ABCB5: variants seen among roughly 807,000 people sequenced by gnomAD.
ABCB5 encodes ATP-binding cassette sub-family B member 5.
Under a neutral mutation model 144.2 loss-of-function variants are expected in ABCB5, and 155 were observed. The observed-to-expected ratio is 1.08, with a 90% CI of 0.94 to 1.23. The LOEUF (loss-of-function observed/expected upper bound fraction) is 1.23, where lower values mean the gene tolerates loss of function less well. ABCB5 is among the 50% of genes most tolerant of loss of function. The pLI is 0.00. For synonymous variants in ABCB5, 610 were observed against 528.6 expected (o/e 1.15, Z -2.11); for missense variants, 1,830 against 1,520.8 (o/e 1.20, Z -3.38).
rs768696376 is a variant in ABCB5 at position 20,679,471 on chromosome 7, C to CA, written c.1708-2019dup. ...GGGCAACAAGAGCTAAACTCCATCTCAAAAAAAAAAAAAAAGAGAGAGAGA... is the reference window on the plus strand; with the variant it reads ...GGGCAACAAGAGCTAAACTCCATCTCAAAAAAAAAAAAAAAAGAGAGAGAGA... On this transcript the variant is annotated intron_variant, in intron 14 of 27. Transcript: ENST00000404938. 2.1e-3 allele frequency among the ~76,000 whole-genome samples: 122 copies of CA among 59,444 alleles called. 3 individuals are homozygous for CA. Among genetic ancestry groups the CA allele is most frequent in the Admixed American group, 5.6e-3 (24 of 4,298 alleles). 39.0% of individuals were successfully genotyped at this position (59,444 alleles called of 152,430 possible).
intron 14 of ABCB5, among the ~76,000 whole-genome samples, chr7:20,680,165 A>G (rs1219377764): frequency 2.6e-5 from 4 of 152,218 alleles, no homozygotes; most frequent in Non-Finnish European, 5.9e-5. Context: ...ACAGAAGAGT[A>G]TACAATGCAC....
intron 12 of ABCB5, among the ~76,000 whole-genome samples, chr7:20,650,819 T>G (rs1784560127): frequency 6.6e-6 from 1 of 152,182 alleles, no homozygotes. Flanking sequence ...GTGTTATGTG[T>G]ATAAAAGAGT....
At chr7:20,660,488 C>G (rs1784968610) in intron 14 of ABCB5, 1 of 841,134 alleles carries the variant, frequency 1.2e-6, no homozygotes. Flanking sequence ...TAATCATATA[C>G]TCTTCAGTTT....
At chr7:20,647,718 T>C (rs1784452929) in intron 10 of ABCB5, 70 bp downstream of exon 10, 1 of 1,522,606 alleles carries the variant, frequency 6.6e-7, no homozygotes, top group Admixed American at 2.4e-5. Context: ...ACATACACCC[T>C]CATTTTCACT....
At chr7:20,747,175 A>T (rs2128056512) in intron 26 of ABCB5, among the ~76,000 whole-genome samples, 1 of 152,328 alleles carries the variant, frequency 6.6e-6, no homozygotes, top group East Asian at 1.9e-4. Context: ...CACTCACTGC[A>T]TTGTTAATTT....
intron 10 of ABCB5, 69 bp from the exon 11 acceptor site, chr7:20,647,899 A>G (rs1251400718): frequency 1.7e-6 from 2 of 1,159,786 alleles, no homozygotes; most frequent in Admixed American, 4.3e-5. Flanking sequence ...TCCTTATACT[A>G]TTTTTAAAAT....
At chr7:20,739,192 C>T in intron 24 of ABCB5, 53 bp downstream of exon 24, 2 of 1,471,286 alleles carry the variant, frequency 1.4e-6, no homozygotes, top group Non-Finnish European at 1.8e-6. Flanking sequence ...ACAGTAGGAA[C>T]TGGGGGCCAC....
intron 26 of ABCB5, among the ~76,000 whole-genome samples, chr7:20,746,298 C>T (rs2128056271): frequency 6.6e-6 from 1 of 152,100 alleles, no homozygotes; most frequent in Middle Eastern, 3.4e-3. Context: ...GGGGTTTCTC[C>T]ATGTTGGACA....
intron 16 of ABCB5, among the ~76,000 whole-genome samples, chr7:20,697,853 T>C (rs1786478837): frequency 6.6e-6 from 1 of 152,208 alleles, no homozygotes; most frequent in African/African-American, 2.4e-5. Context: ...GAGACAGTCT[T>C]GGTGAGTTTA....
At position 20,628,356 on chromosome 7, in the gene ABCB5, G is replaced by A. The variant is rs556919853; in HGVS notation, c.109-332G>A. Among the ~76,000 whole-genome samples, 149 of 152,202 alleles carry A rather than the reference G, an allele frequency of 9.8e-4. 1 individual carries two copies. The highest frequency in any genetic ancestry group is 1.5e-3 in the Non-Finnish European group (102 of 68,020). On this transcript the variant is annotated intron_variant, in intron 3 of 27. Coordinates refer to ENST00000404938, the MANE Select transcript of ABCB5 (RefSeq NM_001163941.2). ...CATGAACTCATCCATTTTTATGGCT[G>A]CATAGTAGTCCATGGTGTATATGTG... is the stretch of plus-strand genomic sequence containing the variant.
chr7:20,668,115 C>T (rs1250777591), intron 14 of ABCB5, among the ~76,000 whole-genome samples: 6 of 116,366 alleles, frequency 5.2e-5, no homozygotes, highest in Non-Finnish European at 6.9e-5. Flanking sequence ...CCCAAAGTGC[C>T]GAGATTGCAG....
At chr7:20,628,665 C>T in intron 3 of ABCB5, 23 bp from the exon 4 acceptor site, 1 of 1,602,642 alleles carries the variant, frequency 6.2e-7, no homozygotes. Context: ...AGTTGTGGTG[C>T]TACCGTGCTT....
chr7:20,676,758 A>G (rs1785627128), intron 14 of ABCB5, among the ~76,000 whole-genome samples: 1 of 152,214 alleles, frequency 6.6e-6, no homozygotes, highest in South Asian at 2.1e-4. Flanking sequence ...AAGTGTTCTT[A>G]CCACAAAAAA....
chr7:20,705,848 C>T (rs1055842969), intron 20 of ABCB5, among the ~76,000 whole-genome samples: 20 of 151,284 alleles, frequency 1.3e-4, no homozygotes, highest in African/African-American at 4.6e-4. Context: ...GTTTAATATA[C>T]ATCGGCAAGA....
chr7:20,700,956 T>C (rs1451299879), intron 19 of ABCB5, among the ~76,000 whole-genome samples: 3 of 152,192 alleles, frequency 2.0e-5, no homozygotes, highest in African/African-American at 4.8e-5. Context: ...TTATGACTTT[T>C]AGGAGCAGTG....
At chr7:20,754,538 T>C (rs369206029) in intron 27 of ABCB5, among the ~76,000 whole-genome samples, 1 of 152,348 alleles carries the variant, frequency 6.6e-6, no homozygotes, top group African/African-American at 2.4e-5. Context: ...TCAACAAATA[T>C]GGGTTTTCAC....
intron 4 of ABCB5, among the ~76,000 whole-genome samples, chr7:20,629,141 ACTGC>A (rs1783975411): frequency 1.6e-5 from 1 of 62,922 alleles, no homozygotes; most frequent in Non-Finnish European, 3.4e-5. Context: ...AGAGAGAGAG[ACTGC>A]GTGTGTGTGT....
At chr7:20,668,646 C>A (rs1244164215) in intron 14 of ABCB5, among the ~76,000 whole-genome samples, 1 of 144,324 alleles carries the variant, frequency 6.9e-6, no homozygotes, top group African/African-American at 2.6e-5. Context: ...AGGTGAGGGA[C>A]TCCTCTGCCC....
At chr7:20,685,547 T>C in intron 15 of ABCB5, 149 bp from the exon 16 acceptor site, 1 of 627,260 alleles carries the variant, frequency 1.6e-6, no homozygotes, top group Admixed American at 3.5e-5. Flanking sequence ...CAGCTCTCTA[T>C]CAAGCCTGAA....
Sources: gnomAD v4.1 joint callset for allele counts (sites outside exome capture counted in the v4.1 genomes callset) on GRCh38, gnomAD v4.1.1 for gene constraint, MANE v1.5 for transcripts, NCBI Gene and HGNC (gene_info 2026-07-23, HGNC 2026-07-21) for gene names.